Variants in SFXN5 observed in about 807,000 individuals in gnomAD.
SFXN5 encodes sideroflexin 5.
Under a neutral mutation model 50.2 loss-of-function variants are expected in SFXN5, and 43 were observed. That is an observed-to-expected ratio of 0.86 (90% confidence interval 0.67 to 1.11). The LOEUF (loss-of-function observed/expected upper bound fraction) is 1.11, where lower values mean the gene tolerates loss of function less well. SFXN5 is among the 50% of genes least tolerant of loss of function. The probability of loss-of-function intolerance (pLI) is 0.00; values close to 1 mark genes in which losing one functional copy is unlikely to be tolerated. For missense variants in SFXN5, 463 were observed against 454.1 expected, an observed-to-expected ratio of 1.02 and a Z score of -0.18; for synonymous variants, 203 against 185.8, an observed-to-expected ratio of 1.09 and a Z score of -0.75.
rs564385692 is a variant in SFXN5 at position 73,057,582 on chromosome 2, T to C, written c.171+946A>G. Among the ~76,000 whole-genome samples, 35 of 152,210 alleles carry C rather than the reference T, an allele frequency of 2.3e-4. No homozygotes were observed. In the South Asian group the frequency reaches 3.9e-3, roughly 17 times the overall value. On this transcript the variant is annotated intron_variant, in intron 2 of 13. Transcript: ENST00000272433. ...GACAGGGGGTGAAGACAGGGAGGAA[T>C]TGATTATAAAGAGGTATGAGAGAAC... is the stretch of plus-strand genomic sequence containing the variant.
chr2:72,961,319 G>A lies in SFXN5; in HGVS notation c.828-71C>T, dbSNP rs938237571. ...TGGGCTGGCTGCCAGCCACCATGCT[G>A]GGTCCCACTCTGTCTCTGGGCCCAG... On this transcript the variant is annotated intron_variant, in intron 12 of 13. Coordinates refer to ENST00000272433, the MANE Select transcript of SFXN5 (RefSeq NM_144579.3). This position sits in a 1 kb window ranked among gnomAD's most constrained non-coding sequence, Gnocchi z 4.4. 1.1e-5 allele frequency: 12 copies of A among 1,066,434 alleles called. No homozygotes were observed. The highest frequency in any genetic ancestry group is 2.8e-5 in the Admixed American group (1 of 35,914). 66.1% of individuals were successfully genotyped at this position (1,066,434 alleles called of 1,614,324 possible).
At position 72,961,221 on chromosome 2, in the gene SFXN5, C is replaced by T; in HGVS notation, c.855G>A (p.Arg285=). The T allele has an allele frequency of 1.3e-6, 2 of 1,539,114 alleles. No homozygotes were observed. Among genetic ancestry groups the T allele is most frequent in the Non-Finnish European group, 1.7e-6 (2 of 1,149,602 alleles). ...CGAGGCTTTGCACAGGGAGGAGCAG[C>T]CGGGGGCGTGCCTGCAGGAGAGCCG... ...EKTALLQARP[R]LLLPVQSLVC... is the part of the protein sequence containing the mutation. Residue 285 remains arginine, a synonymous_variant, in exon 13 of 14, where the codon CGG becomes CGA. Transcript: ENST00000272433. This position sits in a 1 kb window ranked among gnomAD's most constrained non-coding sequence, Gnocchi z 4.4.
At chr2:72,967,930 TC>T (rs1456036332) in intron 12 of SFXN5, among the ~76,000 whole-genome samples, 1 of 152,118 alleles carries the variant, frequency 6.6e-6, no homozygotes, top group Non-Finnish European at 1.5e-5. Context: ...GCTTAGAACA[TC>T]CCTCTGAGGG....
chr2:73,001,686 G>T, intron 6 of SFXN5, 108 bp from the exon 7 acceptor site: 1 of 1,082,920 alleles, frequency 9.2e-7, no homozygotes, highest in Non-Finnish European at 1.4e-6. Flanking sequence ...TGTACAAACT[G>T]ATGTGGTATG....
chr2:73,025,102 C>T (rs964869190), intron 3 of SFXN5, among the ~76,000 whole-genome samples: 3 of 151,794 alleles, frequency 2.0e-5, no homozygotes, highest in African/African-American at 7.3e-5. Flanking sequence ...ACTGCTAGCA[C>T]AAAGGTTAAG....
At chr2:73,000,604 C>T in intron 7 of SFXN5, 117 bp from the exon 8 acceptor site, 1 of 957,260 alleles carries the variant, frequency 1.0e-6, no homozygotes, top group Admixed American at 2.1e-5. Flanking sequence ...CTCCAGCTCA[C>T]ATGGTGCCGC....
intron 10 of SFXN5, among the ~76,000 whole-genome samples, chr2:72,985,770 C>T (rs72918398): frequency 0.057 from 8,683 of 152,172 alleles, 783 homozygotes; most frequent in African/African-American, 0.19. Context: ...CCTGTGTGAG[C>T]GGCTGAAGCC....
At chr2:73,005,681 T>C (rs1674536982) in intron 6 of SFXN5, among the ~76,000 whole-genome samples, 1 of 152,122 alleles carries the variant, frequency 6.6e-6, no homozygotes, top group Admixed American at 6.5e-5. Context: ...CTGAACATCG[T>C]CTCATCTCCA....
rs1326834366 is a variant in SFXN5 at position 73,047,232 on chromosome 2, AAAAAAAAAAAAAAATAT to A, written c.172-6318_172-6302del. The stretch of plus-strand genomic sequence containing the variant: ...GACTCCATCTCGTAAAAAAAAAAAA[AAAAAAAAAAAAAAATAT>A]ATATATATATATATATATATATATA... On this transcript the variant is annotated intron_variant, in intron 2 of 13. Coordinates refer to ENST00000272433, the MANE Select transcript of SFXN5 (RefSeq NM_144579.3). 8.1e-4 allele frequency among the ~76,000 whole-genome samples: 51 copies of A among 62,678 alleles called. 1 individual carries two copies. Among genetic ancestry groups the A allele is most frequent in the African/African-American group, 4.0e-3 (50 of 12,534 alleles). 41.1% of individuals were successfully genotyped at this position (62,678 alleles called of 152,430 possible).
At chr2:73,054,156 T>C (rs936371828) in intron 2 of SFXN5, among the ~76,000 whole-genome samples, 43 of 152,120 alleles carry the variant, frequency 2.8e-4, no homozygotes, top group African/African-American at 1.0e-3. Flanking sequence ...AGATCTTCTG[T>C]TGGCAGAAGC....
chr2:73,023,258 A>G (rs1365938415), intron 3 of SFXN5, 44 bp from the exon 4 acceptor site: 34 of 1,559,234 alleles, frequency 2.2e-5, no homozygotes, highest in Non-Finnish European at 2.9e-5. Flanking sequence ...ACAAAAATTA[A>G]AAGCATATAT....
At chr2:72,964,173 CCT>C (rs1389077888) in intron 12 of SFXN5, among the ~76,000 whole-genome samples, 3 of 152,222 alleles carry the variant, frequency 2.0e-5, no homozygotes, top group African/African-American at 7.2e-5. Flanking sequence ...AGCTTGTCCC[CCT>C]CATTGCTGTG....
In SFXN5 at chr2:72,961,636, G is replaced by A. The variant is rs1259663395; in HGVS notation, c.828-388C>T. Among the ~76,000 whole-genome samples the A allele has an allele frequency of 6.6e-6, 1 of 152,186 alleles. No homozygotes were observed. The highest frequency in any genetic ancestry group is 2.4e-5 in the African/African-American group (1 of 41,444). ...GGGAGACACATAGGGACGTAAGATC[G>A]CTCTCGAGGGCAGCACGTAATTAAA... On this transcript the variant is annotated intron_variant, in intron 12 of 13. Transcript: ENST00000272433. This position sits in a 1 kb window ranked among gnomAD's most constrained non-coding sequence, Gnocchi z 4.4.
chr2:73,038,578 A>C (rs1047934478), intron 3 of SFXN5, among the ~76,000 whole-genome samples: 2 of 152,246 alleles, frequency 1.3e-5, no homozygotes, highest in Non-Finnish European at 2.9e-5. Context: ...ATAGTGAGCT[A>C]CATCGCCCCA....
chr2:72,999,068 T>C, intron 8 of SFXN5, 54 bp from the exon 9 acceptor site: 4 of 1,579,372 alleles, frequency 2.5e-6, no homozygotes, highest in Non-Finnish European at 2.6e-6. Context: ...GCTCCCATAC[T>C]TCCCCTTGTA....
chr2:73,034,919 C>A (rs777215271), intron 3 of SFXN5, among the ~76,000 whole-genome samples: 7 of 152,210 alleles, frequency 4.6e-5, no homozygotes, highest in Non-Finnish European at 1.0e-4. Context: ...ACTTCCTTCC[C>A]AGCTTTCTCT....
At chr2:72,997,471 T>C (rs1304999860) in intron 9 of SFXN5, 2 of 152,350 alleles carry the variant, frequency 1.3e-5, no homozygotes, top group East Asian at 1.9e-4. Flanking sequence ...CTGCCCAACA[T>C]GGCCATAAGC....
chr2:73,020,239 A>T lies in SFXN5; in HGVS notation c.357T>A (p.Ile119=). ...GAAATCCTTTGAAGGTAACACTTACAATTGGCGTCCCAAAAGGAATATAAC... is the reference window on the plus strand; with the variant it reads ...GAAATCCTTTGAAGGTAACACTTACTATTGGCGTCCCAAAAGGAATATAAC... ...MSGYIPFGTP[I]VVGLLLPNQT... is the part of the protein sequence containing the mutation. Residue 119 remains isoleucine (I), a splice_region_variant and synonymous_variant, in exon 6 of 14, where the codon ATT becomes ATA. Coordinates refer to ENST00000272433, the MANE Select transcript of SFXN5 (RefSeq NM_144579.3). 6.2e-7 allele frequency: 1 copy of T among 1,614,012 alleles called. No individual in the cohort carries two copies.
At chr2:73,037,339 T>C (rs187471806) in intron 3 of SFXN5, among the ~76,000 whole-genome samples, 49 of 152,278 alleles carry the variant, frequency 3.2e-4, no homozygotes, top group African/African-American at 1.1e-3. Flanking sequence ...TCCAGCTTCC[T>C]ACCTGCTCTA....
Sources: gnomAD v4.1 joint callset for allele counts (sites outside exome capture counted in the v4.1 genomes callset) on GRCh38, gnomAD v4.1.1 for gene constraint, Gnocchi (gnomAD v3.1) non-coding constraint, MANE v1.5 for transcripts, NCBI Gene and HGNC (gene_info 2026-07-23, HGNC 2026-07-21) for gene names.